GALNTL6: variants seen among roughly 807,000 people sequenced by gnomAD.
GALNTL6 encodes polypeptide N-acetylgalactosaminyltransferase like 6.
GALNTL6 carries 46 observed loss-of-function variants against 73.7 expected under a neutral mutation model. That is an observed-to-expected ratio of 0.62 (90% CI 0.49 to 0.80). The LOEUF is 0.80. GALNTL6 is among the 30% of genes least tolerant of loss of function. GALNTL6 has a pLI of 0.00. For missense variants in GALNTL6, 604 were observed against 755.0 expected, an observed-to-expected ratio of 0.80 and a Z score of 2.34; for synonymous variants, 259 against 263.7, an observed-to-expected ratio of 0.98 and a Z score of 0.17.
intron 5 of GALNTL6, among the ~76,000 whole-genome samples, chr4:172,455,751 G>A (rs634284): frequency 0.89 from 135,906 of 152,228 alleles, 60,750 homozygotes; most frequent in African/African-American, 0.94. Flanking sequence ...GCCTAGGGGA[G>A]GGGGCAGCTG....
intron 7 of GALNTL6, among the ~76,000 whole-genome samples, chr4:172,866,177 A>G (rs1348670206): frequency 6.6e-6 from 1 of 152,102 alleles, no homozygotes; most frequent in Admixed American, 6.5e-5. Flanking sequence ...TGAATCCCAA[A>G]TGTCTCCCTA....
At chr4:172,262,246 G>A (rs1738281862) in intron 3 of GALNTL6, among the ~76,000 whole-genome samples, 1 of 151,188 alleles carries the variant, frequency 6.6e-6, no homozygotes, top group African/African-American at 2.4e-5. Context: ...CACTATAATT[G>A]GGTTGCCATC....
At chr4:172,248,403 C>T (rs530226863) in intron 3 of GALNTL6, among the ~76,000 whole-genome samples, 2 of 152,234 alleles carry the variant, frequency 1.3e-5, no homozygotes, top group Non-Finnish European at 2.9e-5. Context: ...CTTCTGTTCT[C>T]CCTTTTCCTA....
intron 5 of GALNTL6, among the ~76,000 whole-genome samples, chr4:172,518,539 C>T (rs1026312896): frequency 6.6e-5 from 10 of 151,898 alleles, no homozygotes; most frequent in Non-Finnish European, 1.5e-4. Context: ...GAGTATAAAA[C>T]ATTCTCTTAT....
chr4:172,613,977 G>T (rs1415627675), intron 5 of GALNTL6, among the ~76,000 whole-genome samples: 1 of 152,138 alleles, frequency 6.6e-6, no homozygotes, highest in East Asian at 1.9e-4. Context: ...GATTAGATTT[G>T]AACTAAAAAT....
intron 2 of GALNTL6, among the ~76,000 whole-genome samples, chr4:172,038,998 T>A (rs1029362586): frequency 6.6e-6 from 1 of 152,236 alleles, no homozygotes; most frequent in African/African-American, 2.4e-5. Flanking sequence ...TGGGCTTGGT[T>A]ATAACAGCTG....
At chr4:172,191,871 G>A (rs1735598970) in intron 2 of GALNTL6, among the ~76,000 whole-genome samples, 1 of 152,058 alleles carries the variant, frequency 6.6e-6, no homozygotes, top group African/African-American at 2.4e-5. Context: ...AGACTATTGA[G>A]ACTGTCTATA....
At chr4:172,053,735 G>A (rs945197861) in intron 2 of GALNTL6, among the ~76,000 whole-genome samples, 3 of 152,128 alleles carry the variant, frequency 2.0e-5, no homozygotes, top group East Asian at 3.8e-4. Context: ...TGTGTATGGT[G>A]TGTATGTATG....
At chr4:172,149,475 G>A (rs1251933735) in intron 2 of GALNTL6, among the ~76,000 whole-genome samples, 1 of 151,896 alleles carries the variant, frequency 6.6e-6, no homozygotes, top group Admixed American at 6.6e-5. Context: ...GGTTTCCTGA[G>A]GCTCCTAGAG....
At chr4:172,161,445 AAG>A (rs199911583) in intron 2 of GALNTL6, among the ~76,000 whole-genome samples, 7 of 152,040 alleles carry the variant, frequency 4.6e-5, no homozygotes, top group African/African-American at 1.4e-4. Context: ...GGAGGAAAGA[AAG>A]AGAGGGCAAT....
intron 5 of GALNTL6, among the ~76,000 whole-genome samples, chr4:172,400,188 T>A (rs145874828): frequency 1.1e-4 from 16 of 152,306 alleles, no homozygotes; most frequent in African/African-American, 3.6e-4. Flanking sequence ...AAATACATGC[T>A]TTGGTGCTTT....
At chr4:172,364,090 A>C (rs1742471174) in intron 5 of GALNTL6, among the ~76,000 whole-genome samples, 1 of 152,150 alleles carries the variant, frequency 6.6e-6, no homozygotes, top group Non-Finnish European at 1.5e-5. Flanking sequence ...GATTTTTCTG[A>C]GAAAAAAATT....
chr4:172,405,425 ATATATATATATATATATATTT>A (rs1476709539), intron 5 of GALNTL6, among the ~76,000 whole-genome samples: 41 of 114,200 alleles, frequency 3.6e-4, no homozygotes, highest in African/African-American at 1.4e-3. Flanking sequence ...ATATATATAT[ATATATATATATATATATATTT>A]TTTTTTTTTT....
intron 5 of GALNTL6, among the ~76,000 whole-genome samples, chr4:172,373,617 A>T (rs1033945108): frequency 1.3e-5 from 2 of 152,166 alleles, no homozygotes; most frequent in African/African-American, 4.8e-5. Flanking sequence ...TGCCCTTCCA[A>T]TGCACAGACT....
At chr4:172,321,521 A>G (rs1253291244) in intron 4 of GALNTL6, among the ~76,000 whole-genome samples, 4 of 152,202 alleles carry the variant, frequency 2.6e-5, no homozygotes, top group Non-Finnish European at 4.4e-5. Context: ...GCCATCATCA[A>G]TACATCTACT....
chr4:171,814,990 T>TTTGAC, intron 2 of GALNTL6: 2 of 527,348 alleles, frequency 3.8e-6, no homozygotes, highest in Non-Finnish European at 6.7e-6. Flanking sequence ...TTAGGTTGAT[T>TTTGAC]TTGACTTGAG....
chr4:172,247,141 C>T (rs1335023184), intron 3 of GALNTL6, among the ~76,000 whole-genome samples: 1 of 152,100 alleles, frequency 6.6e-6, no homozygotes, highest in Non-Finnish European at 1.5e-5. Context: ...TACCATACTT[C>T]TGAGCCCCTT....
chr4:172,714,505 T>C (rs1734937311), intron 5 of GALNTL6, among the ~76,000 whole-genome samples: 1 of 152,168 alleles, frequency 6.6e-6, no homozygotes, highest in Non-Finnish European at 1.5e-5. Context: ...AAAACATTAA[T>C]AGTGGTTGAA....
At chr4:172,691,509 A>G (rs1326671789) in intron 5 of GALNTL6, among the ~76,000 whole-genome samples, 7 of 152,180 alleles carry the variant, frequency 4.6e-5, no homozygotes, top group Admixed American at 2.6e-4. Context: ...TACCATAAAT[A>G]ATGTTACCTT....
Sources: gnomAD v4.1 joint callset for allele counts (sites outside exome capture counted in the v4.1 genomes callset) on GRCh38, gnomAD v4.1.1 for gene constraint, MANE v1.5 for transcripts, NCBI Gene and HGNC (gene_info 2026-07-23, HGNC 2026-07-21) for gene names.